Variants in SNTG2 observed in about 807,000 individuals in gnomAD.
The protein encoded by SNTG2 is gamma-2-syntrophin.
SNTG2 carries 74 observed loss-of-function variants against 70.9 expected under a neutral mutation model. That is an observed-to-expected ratio of 1.04 (90% confidence interval 0.86 to 1.27). SNTG2 has a LOEUF of 1.27. Among genes scored for constraint, SNTG2 ranks in the 50% most tolerant of loss-of-function variants. SNTG2 has a pLI of 0.00. For missense variants in SNTG2, 717 were observed against 690.7 expected, an observed-to-expected ratio of 1.04 and a Z score of -0.43; for synonymous variants, 278 against 273.8, an observed-to-expected ratio of 1.02 and a Z score of -0.15.
At chr2:995,219 C>T (rs1418045569) in intron 1 of SNTG2, among the ~76,000 whole-genome samples, 1 of 151,962 alleles carries the variant, frequency 6.6e-6, no homozygotes, top group African/African-American at 2.4e-5. Context: ...TAACTTTTAT[C>T]AGATTGAGGA....
chr2:1,310,809 GC>G (rs1558197380), intron 15 of SNTG2, among the ~76,000 whole-genome samples: 1 of 152,142 alleles, frequency 6.6e-6, no homozygotes, highest in Non-Finnish European at 1.5e-5. Flanking sequence ...TCCAGAGTCA[GC>G]CCTAAAATCA....
chr2:1,294,667 C>CA (rs1680127040), intron 14 of SNTG2, among the ~76,000 whole-genome samples: 1 of 152,182 alleles, frequency 6.6e-6, no homozygotes, highest in Non-Finnish European at 1.5e-5. Context: ...ATTGGTCTCC[C>CA]AAACCACATG....
chr2:1,246,426 C>A (rs572494155), intron 11 of SNTG2, among the ~76,000 whole-genome samples: 2 of 152,176 alleles, frequency 1.3e-5, no homozygotes, highest in African/African-American at 4.8e-5. Flanking sequence ...ACGGGACTTA[C>A]CTGGGCGGCT....
intron 1 of SNTG2, among the ~76,000 whole-genome samples, chr2:1,007,683 C>T (rs77093034): frequency 0.17 from 25,867 of 152,112 alleles, 2,626 homozygotes; most frequent in Middle Eastern, 0.24. Context: ...ACTCAGTAAG[C>T]GTTCAGGTCT....
chr2:1,044,131 G>T (rs1661594892), intron 1 of SNTG2, among the ~76,000 whole-genome samples: 1 of 151,596 alleles, frequency 6.6e-6, no homozygotes, highest in East Asian at 1.9e-4. Context: ...CACCACCGCT[G>T]CCCCCCCACC....
At chr2:1,327,034 AATAAGT>A (rs1231708926) in intron 16 of SNTG2, among the ~76,000 whole-genome samples, 1 of 151,998 alleles carries the variant, frequency 6.6e-6, no homozygotes, top group Non-Finnish European at 1.5e-5. Context: ...TTTATATAAG[AATAAGT>A]ATATTTTCTT....
At chr2:1,165,842 G>A (rs1670671361) in intron 7 of SNTG2, among the ~76,000 whole-genome samples, 1 of 152,212 alleles carries the variant, frequency 6.6e-6, no homozygotes, top group South Asian at 2.1e-4. Flanking sequence ...TTTGAAGGAA[G>A]TGTTATCAGA....
chr2:1,314,518 G>A (rs878939903), intron 15 of SNTG2, among the ~76,000 whole-genome samples: 8 of 151,368 alleles, frequency 5.3e-5, no homozygotes, highest in South Asian at 4.2e-4. Context: ...GGAGTGGCTC[G>A]GGCAGCTCCC....
rs1276900202 is a variant in SNTG2, at chr2:993,774, AAT to A, written c.72+42707_72+42708del. On this transcript the variant is annotated intron_variant, in intron 1 of 16. Coordinates refer to ENST00000308624, the MANE Select transcript of SNTG2 (RefSeq NM_018968.4). Reference sequence around the variant, plus strand: ...GATTTGCATTTCCCTGATGATTAATAATGTTAAGTATCTTCACATGTAATTAT... The same window carrying A: ...GATTTGCATTTCCCTGATGATTAATAGTTAAGTATCTTCACATGTAATTAT... Among the ~76,000 whole-genome samples the A allele has an allele frequency of 4.6e-5, 7 of 152,244 alleles. No individual in the cohort carries two copies. The East Asian group carries it at 1.3e-3, about 29-fold the overall frequency.
intron 1 of SNTG2, among the ~76,000 whole-genome samples, chr2:976,867 A>G (rs1417095416): frequency 1.3e-5 from 2 of 151,484 alleles, no homozygotes; most frequent in African/African-American, 4.9e-5. Flanking sequence ...CCCATCTTCC[A>G]GATTTGCTCA....
chr2:1,128,262 T>C (rs1425858821), intron 4 of SNTG2, among the ~76,000 whole-genome samples: 2 of 152,234 alleles, frequency 1.3e-5, no homozygotes, highest in Non-Finnish European at 2.9e-5. Context: ...ATACTGTGAA[T>C]AATGGAATCA....
intron 2 of SNTG2, among the ~76,000 whole-genome samples, chr2:1,092,333 T>A (rs1472319405): frequency 6.6e-6 from 1 of 152,020 alleles, no homozygotes. Flanking sequence ...AGGCCAGGCC[T>A]GTGTGAGGAG....
At chr2:1,328,890 CACAT>C (rs1386896831) in intron 16 of SNTG2, among the ~76,000 whole-genome samples, 14 of 147,492 alleles carry the variant, frequency 9.5e-5, no homozygotes, top group African/African-American at 3.0e-4. Flanking sequence ...CACGCATACA[CACAT>C]GCATGCACAC....
intron 14 of SNTG2, among the ~76,000 whole-genome samples, chr2:1,306,685 A>AGTGTGTGTGT (rs34835668): frequency 0.01 from 1,495 of 149,080 alleles, 12 homozygotes; most frequent in Middle Eastern, 0.034. Context: ...CCAGGGTGTG[A>AGTGTGTGTGT]GTGTGTGTGT....
At chr2:1,251,476 TCATGCACACACCACACGCACACCA>T (rs1558597767) in intron 12 of SNTG2, among the ~76,000 whole-genome samples, 2 of 108,276 alleles carry the variant, frequency 1.8e-5, no homozygotes, top group East Asian at 3.0e-4. Flanking sequence ...CACACACCAC[TCATGCACACACCACACGCACACCA>T]CATGCACACA....
intron 2 of SNTG2, among the ~76,000 whole-genome samples, chr2:1,088,236 C>T (rs950633434): frequency 2.6e-5 from 4 of 152,120 alleles, no homozygotes; most frequent in Non-Finnish European, 5.9e-5. Context: ...CTGTTGATAA[C>T]TTTATTGACA....
At chr2:1,257,493 C>T (rs1195278798) in intron 12 of SNTG2, among the ~76,000 whole-genome samples, 1 of 152,114 alleles carries the variant, frequency 6.6e-6, no homozygotes, top group Non-Finnish European at 1.5e-5. Flanking sequence ...CAGAAAGGGG[C>T]TTAATAAACA....
chr2:1,239,193 G>C (rs940892874), intron 10 of SNTG2, among the ~76,000 whole-genome samples: 2 of 152,266 alleles, frequency 1.3e-5, no homozygotes, highest in East Asian at 3.9e-4. Flanking sequence ...GCCCTCATAG[G>C]CAGGGCAGAG....
At chr2:1,022,094 C>T (rs1027753468) in intron 1 of SNTG2, among the ~76,000 whole-genome samples, 1 of 151,996 alleles carries the variant, frequency 6.6e-6, no homozygotes, top group Non-Finnish European at 1.5e-5. Context: ...GGAGGTTCCT[C>T]ATAAAGTTAT....
Sources: gnomAD v4.1 joint callset for allele counts (sites outside exome capture counted in the v4.1 genomes callset) on GRCh38, gnomAD v4.1.1 for gene constraint, MANE v1.5 for transcripts, NCBI Gene and HGNC (gene_info 2026-07-23, HGNC 2026-07-21) for gene names.